Variants in CCDC13 observed in about 807,000 individuals in gnomAD.
CCDC13 encodes coiled-coil domain containing 13.
In CCDC13, 70 loss-of-function variants were observed where a neutral mutation model predicts 87.3. The ratio of observed to expected loss-of-function variants is 0.80; its 90% confidence interval spans 0.66 to 0.98. The LOEUF is 0.98. CCDC13 is among the 50% of genes least tolerant of loss of function. CCDC13 has a pLI of 0.00. For synonymous variants in CCDC13, 317 were observed against 360.3 expected (o/e 0.88, Z 1.36); for missense variants, 842 against 892.0 (o/e 0.94, Z 0.71).
chr3:42,721,045 T>C (rs1698548795), intron 13 of CCDC13, among the ~76,000 whole-genome samples: 1 of 152,234 alleles, frequency 6.6e-6, no homozygotes, highest in African/African-American at 2.4e-5. Context: ...GAAAGCATTG[T>C]CAAATATGAA....
intron 1 of CCDC13, among the ~76,000 whole-genome samples, chr3:42,766,615 A>AAT (rs1394917254): frequency 1.3e-5 from 2 of 151,272 alleles, no homozygotes; most frequent in African/African-American, 4.9e-5. Context: ...AAAGAAAAAA[A>AAT]AAAAAAAACA....
At chr3:42,711,323 C>T (rs144146748) in intron 14 of CCDC13, among the ~76,000 whole-genome samples, 3 of 151,412 alleles carry the variant, frequency 2.0e-5, no homozygotes, top group Non-Finnish European at 4.4e-5. Flanking sequence ...CAGAAAACCT[C>T]GGGACTGAAA....
At chr3:42,760,420 A>C (rs339671) in intron 1 of CCDC13, among the ~76,000 whole-genome samples, 46,548 of 152,004 alleles carry the variant, frequency 0.31, 7,817 homozygotes, top group East Asian at 0.69. Context: ...AGTTTGAGAC[A>C]AGTCTGGCCA....
At chr3:42,741,512 G>A (rs920100186) in intron 8 of CCDC13, among the ~76,000 whole-genome samples, 5 of 152,120 alleles carry the variant, frequency 3.3e-5, no homozygotes, top group African/African-American at 1.2e-4. Flanking sequence ...CGAGGCAGGT[G>A]GATCACCTGA....
chr3:42,765,976 G>A (rs1479076077), intron 1 of CCDC13, among the ~76,000 whole-genome samples: 1 of 152,224 alleles, frequency 6.6e-6, no homozygotes, highest in Non-Finnish European at 1.5e-5. Context: ...TGCAGAGCTG[G>A]AGGCAAAGGG....
At chr3:42,720,515 G>A (rs1238055278) in intron 13 of CCDC13, among the ~76,000 whole-genome samples, 5 of 152,222 alleles carry the variant, frequency 3.3e-5, no homozygotes, top group Admixed American at 2.6e-4. Flanking sequence ...AGTAAAAGTT[G>A]CTAAGAGTTA....
chr3:42,714,023 C>T (rs1003152951), intron 13 of CCDC13: 3 of 152,220 alleles, frequency 2.0e-5, no homozygotes, highest in African/African-American at 7.2e-5. Context: ...GGACTGAGGT[C>T]CCTGTTCCCT....
chr3:42,755,116 A>G (rs1699675753), intron 3 of CCDC13, among the ~76,000 whole-genome samples: 1 of 152,256 alleles, frequency 6.6e-6, no homozygotes. Context: ...TAAAGTTTCT[A>G]CATTCCATTT....
rs552473685 is a variant in CCDC13 at position 42,708,743 on chromosome 3, C to T, written c.*237G>A. The T allele has an allele frequency of 3.3e-4, 139 of 426,414 alleles. No homozygotes were observed. The highest frequency in any genetic ancestry group is 2.7e-3 in the African/African-American group (130 of 48,668). The allele number at this position is 426,414 out of a possible 1,614,324, so 26.4% of individuals were successfully genotyped here. ...TCTGCCAGTGGGCTGCTGGGCCTCC[C>T]TGCTGCTGTAACCCAGCCAGCCCAG... On this transcript the variant is annotated 3_prime_UTR_variant, in exon 16 of 16. Transcript: ENST00000310232.
chr3:42,721,508 T>A (rs1698559149), intron 13 of CCDC13, among the ~76,000 whole-genome samples: 1 of 152,224 alleles, frequency 6.6e-6, no homozygotes. Context: ...ACGTTGCTGA[T>A]CCTTTGTTTT....
Position 42,735,710 on chromosome 3 carries a change from C to G in CCDC13, c.1368G>C (p.Val456=). Residue 456 remains valine, a synonymous_variant, in exon 10 of 16, where the codon GTG becomes GTC. Transcript: ENST00000310232. The stretch of plus-strand genomic sequence containing the variant: ...GCGCTGCCAGTGCCCTACTCACGTG[C>G]ACATTGAGTTGTCCGATCTCCATCT... ...QLEMEIGQLN[V]HYLRNKGVGE... The G allele has an allele frequency of 6.2e-7, 1 of 1,614,016 alleles. No homozygotes were observed. The highest frequency in any genetic ancestry group is 8.5e-7 in the Non-Finnish European group (1 of 1,179,912).
At chr3:42,746,996 G>A (rs1699418248) in intron 6 of CCDC13, 4 of 579,010 alleles carry the variant, frequency 6.9e-6, no homozygotes, top group Admixed American at 5.1e-5. Context: ...TCAGTCTAGA[G>A]CTGGGCAGGC....
At chr3:42,771,598 TAAAA>T (rs1237855881) in intron 1 of CCDC13, among the ~76,000 whole-genome samples, 1 of 151,876 alleles carries the variant, frequency 6.6e-6, no homozygotes, top group Non-Finnish European at 1.5e-5. Context: ...TTACAAAAAA[TAAAA>T]AAATTAGCTG....
At chr3:42,737,924 A>G (rs555036224) in intron 9 of CCDC13, among the ~76,000 whole-genome samples, 1 of 152,042 alleles carries the variant, frequency 6.6e-6, no homozygotes, top group Non-Finnish European at 1.5e-5. Context: ...ATTAGATCCC[A>G]TTTGTCTATT....
chr3:42,739,224 G>A (rs912867486), intron 9 of CCDC13, among the ~76,000 whole-genome samples: 1 of 152,134 alleles, frequency 6.6e-6, no homozygotes, highest in Non-Finnish European at 1.5e-5. Context: ...GTTATCTTAG[G>A]GACTAAGCAT....
At chr3:42,758,094 C>CACACAG (rs1553692957) in intron 2 of CCDC13, 31 bp downstream of exon 2, 1 of 1,535,472 alleles carries the variant, frequency 6.5e-7, no homozygotes, top group Non-Finnish European at 9.0e-7. Context: ...CACACACACA[C>CACACAG]ACCCCTGAGA....
At chr3:42,762,945 T>A (rs1200219259) in intron 1 of CCDC13, among the ~76,000 whole-genome samples, 3 of 151,954 alleles carry the variant, frequency 2.0e-5, no homozygotes, top group Non-Finnish European at 4.4e-5. Context: ...AGACCCTGTC[T>A]CCAAAATAAA....
intron 1 of CCDC13, among the ~76,000 whole-genome samples, chr3:42,770,365 G>T (rs150107833): frequency 6.6e-6 from 1 of 152,228 alleles, no homozygotes; most frequent in South Asian, 2.1e-4. Flanking sequence ...TCTGTATCTA[G>T]CTCAAGGTTT....
rs769349017 is a variant in CCDC13 at position 42,708,253 on chromosome 3, T to C, written c.*727A>G. The C allele has an allele frequency of 6.6e-6, 1 of 152,126 alleles. No homozygotes were observed. The highest frequency in any genetic ancestry group is 2.1e-4 in the South Asian group (1 of 4,832). 9.4% of individuals were successfully genotyped at this position (152,126 alleles called of 1,614,324 possible). A position where few individuals can be genotyped will look rare whatever the true frequency, so the allele number is the denominator to read the frequency against. On this transcript the variant is annotated 3_prime_UTR_variant, in exon 16 of 16. Transcript: ENST00000310232. Reference sequence around the variant, plus strand: ...GTTTTGGGGTCAGGCAGACTGCAGTTAAATATTAGCTCAGCTTCTTTCTGT... The same window carrying C: ...GTTTTGGGGTCAGGCAGACTGCAGTCAAATATTAGCTCAGCTTCTTTCTGT...
Sources: gnomAD v4.1 joint callset for allele counts (sites outside exome capture counted in the v4.1 genomes callset) on GRCh38, gnomAD v4.1.1 for gene constraint, MANE v1.5 for transcripts, NCBI Gene and HGNC (gene_info 2026-07-23, HGNC 2026-07-21) for gene names.